The following RNF11 variants were observed in gnomAD, a reference collection of about 807,000 sequenced individuals.
The protein encoded by RNF11 is ring finger protein 11.
Under a neutral mutation model 15.8 loss-of-function variants are expected in RNF11, and 4 were observed. The ratio of observed to expected loss-of-function variants is 0.25; its 90% CI spans 0.12 to 0.58. RNF11 has a LOEUF of 0.58. Ranked by LOEUF, RNF11 falls within the 20% of genes least tolerant of loss-of-function variation. The pLI, the probability that RNF11 is intolerant of heterozygous loss-of-function variation, is 0.91. For synonymous variants in RNF11, 68 were observed against 72.3 expected (o/e 0.94, Z 0.30); for missense variants, 139 against 194.4 (o/e 0.71, Z 1.70).
At chr1:51,246,678 G>A (rs1157861277) in intron 1 of RNF11, among the ~76,000 whole-genome samples, 1 of 152,194 alleles carries the variant, frequency 6.6e-6, no homozygotes, top group Admixed American at 6.5e-5. Context: ...GCAACACAGT[G>A]AGACTCCCAT....
In RNF11 at chr1:51,236,892, G is replaced by A; in HGVS notation, c.123+13G>A. ...GCCGCCATATCAGGTAGGGGAGGGTGTGTGTTGGGGGGAGCGAGTAGAGGC... is the reference window on the plus strand; with the variant it reads ...GCCGCCATATCAGGTAGGGGAGGGTATGTGTTGGGGGGAGCGAGTAGAGGC... On this transcript the variant is annotated intron_variant, in intron 1 of 2. Transcript: ENST00000242719. The A allele has an allele frequency of 6.2e-7, 1 of 1,604,262 alleles. No homozygotes were observed. Among genetic ancestry groups the A allele is most frequent in the East Asian group, 2.3e-5 (1 of 44,106 alleles).
At chr1:51,236,902 G>T in intron 1 of RNF11, 23 bp downstream of exon 1, 1 of 1,598,130 alleles carries the variant, frequency 6.3e-7, no homozygotes, top group East Asian at 2.3e-5. Context: ...GTGTGTTGGG[G>T]GGAGCGAGTA....
chr1:51,256,170 T>C (rs935871580), intron 1 of RNF11, among the ~76,000 whole-genome samples: 1 of 152,224 alleles, frequency 6.6e-6, no homozygotes, highest in African/African-American at 2.4e-5. Flanking sequence ...TCCACCATTA[T>C]AGTATCATAC....
intron 1 of RNF11, among the ~76,000 whole-genome samples, chr1:51,259,284 G>T (rs1191282090): frequency 6.6e-6 from 1 of 152,170 alleles, no homozygotes; most frequent in Non-Finnish European, 1.5e-5. Flanking sequence ...TATTGCCCAG[G>T]TTGAGAAGCC....
intron 1 of RNF11, among the ~76,000 whole-genome samples, chr1:51,250,282 T>A (rs1265268145): frequency 1.3e-5 from 2 of 152,216 alleles, no homozygotes; most frequent in African/African-American, 4.8e-5. Flanking sequence ...CTCACAGTTA[T>A]GATTTGCTAT....
Position 51,273,209 on chromosome 1 carries a change from T to C in RNF11, c.*1887T>C, listed in dbSNP as rs1399073952. ...ATCAAGTATTATAGTCAGACTTTTC[T>C]TTTTTTCTAGATTGTTAAAATTGGC... On this transcript the variant is annotated 3_prime_UTR_variant, in exon 3 of 3. Transcript: ENST00000242719. 1 of 152,198 alleles carries C rather than the reference T, an allele frequency of 6.6e-6. No homozygotes were observed. Among genetic ancestry groups the C allele is most frequent in the East Asian group, 1.9e-4 (1 of 5,206 alleles). The allele number at this position is 152,198 out of a possible 1,614,324, so 9.4% of individuals were successfully genotyped here. A position where few individuals can be genotyped will look rare whatever the true frequency, so the allele number is the denominator to read the frequency against.
At chr1:51,254,045 C>G (rs1646893192) in intron 1 of RNF11, among the ~76,000 whole-genome samples, 1 of 152,000 alleles carries the variant, frequency 6.6e-6, no homozygotes, top group African/African-American at 2.4e-5. Flanking sequence ...ATCGGATCAT[C>G]CTAAATAATT....
chr1:51,267,815 C>G (rs765634701), intron 1 of RNF11, among the ~76,000 whole-genome samples: 1 of 152,228 alleles, frequency 6.6e-6, no homozygotes, highest in Admixed American at 6.5e-5. Context: ...ACTGCAACCT[C>G]TGCCTCCCGG....
chr1:51,236,739 G>T lies in RNF11; in HGVS notation c.-18G>T, dbSNP rs770466146. On this transcript the variant is annotated 5_prime_UTR_variant, in exon 1 of 3. Transcript: ENST00000242719. The stretch of plus-strand genomic sequence containing the variant: ...GCTGCTTTCTCCTCCCCCAGATCAC[G>T]CACCCCAGCTCCGGAAGATGGGGAA... 1.9e-6 allele frequency: 3 copies of T among 1,609,782 alleles called. No homozygotes were observed. Among genetic ancestry groups the T allele is most frequent in the Non-Finnish European group, 1.7e-6 (2 of 1,178,268 alleles).
intron 1 of RNF11, among the ~76,000 whole-genome samples, chr1:51,259,671 A>C (rs1646921482): frequency 6.6e-6 from 1 of 152,214 alleles, no homozygotes. Flanking sequence ...TCATGAAAGC[A>C]ATGATTATAC....
intron 1 of RNF11, among the ~76,000 whole-genome samples, chr1:51,259,322 C>T (rs1416416821): frequency 6.6e-6 from 1 of 152,208 alleles, no homozygotes; most frequent in Non-Finnish European, 1.5e-5. Flanking sequence ...CTTTTCCTCT[C>T]TAACCTCAGT....
At position 51,271,385 on chromosome 1, in the gene RNF11, T is replaced by C. The variant is rs1646977967; in HGVS notation, c.*63T>C. 1 of 1,377,544 alleles carries C rather than the reference T, an allele frequency of 7.3e-7. No homozygotes were observed. Among genetic ancestry groups the C allele is most frequent in the East Asian group, 2.3e-5 (1 of 42,914 alleles). The allele number at this position is 1,377,544 out of a possible 1,614,324, so 85.3% of individuals were successfully genotyped here. A position where few individuals can be genotyped will look rare whatever the true frequency, so the allele number is the denominator to read the frequency against. On this transcript the variant is annotated 3_prime_UTR_variant, in exon 3 of 3. Transcript: ENST00000242719. ...TTTGGTGGTTTTGATCTTTTGTCAC[T>C]GAGCCCAAAGAGCCAGGGATTAGGA...
At chr1:51,262,078 C>T (rs1646933064) in intron 1 of RNF11, among the ~76,000 whole-genome samples, 1 of 152,182 alleles carries the variant, frequency 6.6e-6, no homozygotes, top group Non-Finnish European at 1.5e-5. Flanking sequence ...TGGTCTCGAA[C>T]TCCTGGTCTC....
At chr1:51,257,428 A>G (rs1329963573) in intron 1 of RNF11, among the ~76,000 whole-genome samples, 1 of 151,814 alleles carries the variant, frequency 6.6e-6, no homozygotes, top group African/African-American at 2.4e-5. Flanking sequence ...TTTTATTTTA[A>G]TTTTCTTTAT....
At chr1:51,244,480 G>T (rs1297543432) in intron 1 of RNF11, among the ~76,000 whole-genome samples, 1 of 152,168 alleles carries the variant, frequency 6.6e-6, no homozygotes, top group Non-Finnish European at 1.5e-5. Flanking sequence ...CGCCTCCCGG[G>T]TTCACGCCAT....
intron 1 of RNF11, among the ~76,000 whole-genome samples, chr1:51,268,979 T>C (rs557461249): frequency 6.6e-6 from 1 of 152,342 alleles, no homozygotes; most frequent in East Asian, 1.9e-4. Context: ...CTCTTAGTTA[T>C]CTCATGATTA....
At chr1:51,252,484 G>A (rs553347201) in intron 1 of RNF11, among the ~76,000 whole-genome samples, 62 of 152,080 alleles carry the variant, frequency 4.1e-4, no homozygotes, top group African/African-American at 1.5e-3. Context: ...ATGTGGTGGC[G>A]GGCACCTATA....
At position 51,236,406 on chromosome 1, in the gene RNF11, C is replaced by G; in HGVS notation, c.-351C>G. On this transcript the variant is annotated 5_prime_UTR_variant, in exon 1 of 3. Transcript: ENST00000242719. ...GCAGCTGAGGCAGCCGCGACGGCCG[C>G]GCCCCCCCCCGCTGACCTGGATTAG... is the stretch of plus-strand genomic sequence containing the variant. The G allele has an allele frequency of 6.0e-6, 1 of 166,514 alleles. No individual in the cohort carries two copies. Among genetic ancestry groups the G allele is most frequent in the Non-Finnish European group, 1.3e-5 (1 of 77,920 alleles). The allele number at this position is 166,514 out of a possible 1,614,324, so 10.3% of individuals were successfully genotyped here.
chr1:51,269,204 A>T (rs1646968261), intron 1 of RNF11, among the ~76,000 whole-genome samples: 1 of 152,110 alleles, frequency 6.6e-6, no homozygotes, highest in African/African-American at 2.4e-5. Context: ...GGGCTTGGGG[A>T]TGGGGAGCCT....
Sources: allele counts gnomAD v4.1 joint callset (sites outside exome capture counted in the v4.1 genomes callset), GRCh38; gene constraint gnomAD v4.1.1; transcripts MANE v1.5; gene names NCBI Gene and HGNC (gene_info 2026-07-23, HGNC 2026-07-21).